Variants in C1QTNF7 observed in about 807,000 individuals in gnomAD.
The protein encoded by C1QTNF7 is complement C1q tumor necrosis factor-related protein 7.
Under a neutral mutation model 19.6 loss-of-function variants are expected in C1QTNF7, and 15 were observed. The ratio of observed to expected loss-of-function variants is 0.76; its 90% confidence interval spans 0.51 to 1.18. The LOEUF is 1.18. Ranked by LOEUF, C1QTNF7 falls within the 50% of genes most tolerant of loss-of-function variation. The pLI, the probability that C1QTNF7 is intolerant of heterozygous loss-of-function variation, is 0.00. For missense variants in C1QTNF7, 324 were observed against 359.7 expected, an observed-to-expected ratio of 0.90 and a Z score of 0.80; for synonymous variants, 142 against 137.5, an observed-to-expected ratio of 1.03 and a Z score of -0.23.
At chr4:15,344,381 A>G (rs745685188) in intron 1 of C1QTNF7, among the ~76,000 whole-genome samples, 2 of 152,336 alleles carry the variant, frequency 1.3e-5, no homozygotes, top group Admixed American at 6.5e-5. Flanking sequence ...ATGTCCAGGC[A>G]AGAGACAGCA....
intron 2 of C1QTNF7, among the ~76,000 whole-genome samples, chr4:15,437,961 G>A (rs1474501547): frequency 6.6e-6 from 1 of 152,116 alleles, no homozygotes; most frequent in African/African-American, 2.4e-5. Context: ...CACTGGGAAC[G>A]CAAGCATAAG....
intron 1 of C1QTNF7, among the ~76,000 whole-genome samples, chr4:15,370,032 T>A (rs1717663498): frequency 6.6e-6 from 1 of 152,152 alleles, no homozygotes. Flanking sequence ...TAAATCTACA[T>A]AAAAACTGGT....
chr4:15,404,720 T>C (rs776779719), intron 1 of C1QTNF7, among the ~76,000 whole-genome samples: 1 of 152,198 alleles, frequency 6.6e-6, no homozygotes, highest in Non-Finnish European at 1.5e-5. Context: ...TGTCATTTTA[T>C]TCTTAATGGG....
intron 1 of C1QTNF7, among the ~76,000 whole-genome samples, chr4:15,421,786 A>G (rs1272756037): frequency 1.3e-5 from 2 of 152,252 alleles, no homozygotes; most frequent in Non-Finnish European, 1.5e-5. Flanking sequence ...TGTAGGTAGC[A>G]CATAGTAGAT....
chr4:15,381,421 C>CAA lies in C1QTNF7; in HGVS notation c.13+41228_13+41229dup, dbSNP rs11308911. Among the ~76,000 whole-genome samples, 981 of 126,632 alleles carry CAA rather than the reference C, an allele frequency of 7.7e-3. 17 individuals carry two copies. Among genetic ancestry groups the CAA allele is most frequent in the African/African-American group, 0.022 (821 of 36,738 alleles). The allele number at this position is 126,632 out of a possible 152,430, so 83.1% of individuals were successfully genotyped here. A position where few individuals can be genotyped will look rare whatever the true frequency, so the allele number is the denominator to read the frequency against. On this transcript the variant is annotated intron_variant, in intron 1 of 2. Transcript: ENST00000295297. ...TGGGCAACAGTGTGAGACTCCATCTCAAAAAAAAAAAAAAATTGTGAACAT... is the reference window on the plus strand; with the variant it reads ...TGGGCAACAGTGTGAGACTCCATCTCAAAAAAAAAAAAAAAAATTGTGAACAT...
intron 1 of C1QTNF7, among the ~76,000 whole-genome samples, chr4:15,396,629 C>T (rs1440567218): frequency 1.3e-5 from 2 of 151,728 alleles, no homozygotes; most frequent in Non-Finnish European, 2.9e-5. Flanking sequence ...GATAATAAAG[C>T]TAAAAAAAAG....
intron 2 of C1QTNF7, among the ~76,000 whole-genome samples, chr4:15,439,283 C>T (rs1259594725): frequency 6.6e-6 from 1 of 152,216 alleles, no homozygotes; most frequent in Non-Finnish European, 1.5e-5. Context: ...ACAAACATTA[C>T]TATAGAAAAT....
intron 1 of C1QTNF7, among the ~76,000 whole-genome samples, chr4:15,356,306 G>T (rs1455549777): frequency 6.6e-6 from 1 of 152,010 alleles, no homozygotes; most frequent in Non-Finnish European, 1.5e-5. Flanking sequence ...GTGTCCCTGT[G>T]TTCTCATTGT....
At chr4:15,349,886 T>TTA (rs1230612231) in intron 1 of C1QTNF7, among the ~76,000 whole-genome samples, 2 of 152,064 alleles carry the variant, frequency 1.3e-5, no homozygotes, top group Non-Finnish European at 1.5e-5. Flanking sequence ...GGAAGGCAAT[T>TTA]TATAGTTGAA....
intron 1 of C1QTNF7, among the ~76,000 whole-genome samples, chr4:15,429,565 C>G (rs1355228250): frequency 2.0e-5 from 3 of 152,188 alleles, no homozygotes; most frequent in Non-Finnish European, 4.4e-5. Flanking sequence ...GTGTCAGTAT[C>G]TCCTTTCCTT....
chr4:15,442,580 G>C lies in C1QTNF7; in HGVS notation c.651G>C (p.Arg217=). Reference sequence around the variant, plus strand: ...GACTGGTACACAATGGGCAATACCGGATAAAGACCTTCGACGCCAACACAG... The same window carrying C: ...GACTGGTACACAATGGGCAATACCGCATAAAGACCTTCGACGCCAACACAG... ...AIGLVHNGQY[R]IKTFDANTGN... Residue 217 remains arginine, a synonymous_variant, in exon 3 of 3, where the codon CGG becomes CGC. Transcript: ENST00000444304. The C allele has an allele frequency of 1.2e-6, 2 of 1,614,170 alleles. No homozygotes were observed. Among genetic ancestry groups the C allele is most frequent in the South Asian group, 2.2e-5 (2 of 91,070 alleles).
At chr4:15,365,062 T>G (rs1717467242) in intron 1 of C1QTNF7, among the ~76,000 whole-genome samples, 1 of 152,136 alleles carries the variant, frequency 6.6e-6, no homozygotes, top group Non-Finnish European at 1.5e-5. Flanking sequence ...TTTTTCCTCT[T>G]GCTTTGCACA....
At chr4:15,373,287 C>A (rs565639738) in intron 1 of C1QTNF7, among the ~76,000 whole-genome samples, 2 of 152,174 alleles carry the variant, frequency 1.3e-5, no homozygotes, top group Non-Finnish European at 2.9e-5. Context: ...GCTTAGCTAT[C>A]TCCTTCCAGC....
chr4:15,396,803 T>C (rs988015114), intron 1 of C1QTNF7, among the ~76,000 whole-genome samples: 1 of 152,066 alleles, frequency 6.6e-6, no homozygotes, highest in Non-Finnish European at 1.5e-5. Context: ...CCAGCCCTTC[T>C]TGGCAGCCCA....
At chr4:15,413,216 T>A (rs1719469276) in intron 1 of C1QTNF7, among the ~76,000 whole-genome samples, 1 of 152,232 alleles carries the variant, frequency 6.6e-6, no homozygotes, top group South Asian at 2.1e-4. Flanking sequence ...TGTGTTCACA[T>A]CATGTGCTTC....
chr4:15,408,084 T>A (rs1186722185), intron 1 of C1QTNF7, among the ~76,000 whole-genome samples: 1 of 151,788 alleles, frequency 6.6e-6, no homozygotes, highest in Non-Finnish European at 1.5e-5. Context: ...CTGGCCAATA[T>A]GGTGAAATCC....
At chr4:15,379,473 C>T (rs1290121522) in intron 1 of C1QTNF7, among the ~76,000 whole-genome samples, 1 of 152,148 alleles carries the variant, frequency 6.6e-6, no homozygotes, top group East Asian at 1.9e-4. Context: ...TATTACTTTG[C>T]TTATTTTACA....
At chr4:15,394,167 T>C (rs1718691182) in intron 1 of C1QTNF7, among the ~76,000 whole-genome samples, 2 of 152,166 alleles carry the variant, frequency 1.3e-5, no homozygotes, top group South Asian at 4.1e-4. Flanking sequence ...AGTGGGAGCA[T>C]GTTTGGAACA....
chr4:15,346,003 T>C (rs941568809), intron 1 of C1QTNF7, among the ~76,000 whole-genome samples: 1 of 152,178 alleles, frequency 6.6e-6, no homozygotes, highest in Non-Finnish European at 1.5e-5. Flanking sequence ...TCAGAAAGGA[T>C]TTTTCTATTT....
Sources: gnomAD v4.1 joint callset for allele counts (sites outside exome capture counted in the v4.1 genomes callset) on GRCh38, gnomAD v4.1.1 for gene constraint, MANE v1.5 for transcripts, NCBI Gene and HGNC (gene_info 2026-07-23, HGNC 2026-07-21) for gene names.